The following TMEM236 variants were observed in gnomAD, a reference collection of about 807,000 sequenced individuals.
TMEM236 encodes the protein family with sequence similarity 23, member A.
A neutral mutation model predicts 14.7 loss-of-function variants in TMEM236; 11 were observed. The observed-to-expected ratio is 0.75, with a 90% CI of 0.47 to 1.24. The LOEUF is 1.24. Ranked by LOEUF, TMEM236 falls within the 50% of genes most tolerant of loss-of-function variation. The pLI is 0.00. For missense variants in TMEM236, 464 were observed against 427.3 expected, an observed-to-expected ratio of 1.09 and a Z score of -0.76; for synonymous variants, 182 against 168.6, an observed-to-expected ratio of 1.08 and a Z score of -0.62.
chr10:17,786,684 T>G (rs1478960224), intron 3 of TMEM236, among the ~76,000 whole-genome samples: 1 of 152,208 alleles, frequency 6.6e-6, no homozygotes, highest in Non-Finnish European at 1.5e-5. Flanking sequence ...ACTGGAGGGT[T>G]CTCAGGGCTT....
At chr10:17,794,507 C>T (rs1837977095) in intron 3 of TMEM236, among the ~76,000 whole-genome samples, 1 of 82,842 alleles carries the variant, frequency 1.2e-5, no homozygotes, top group African/African-American at 6.7e-5. Flanking sequence ...CCAACCTCAA[C>T]ACCCATGTAT....
At chr10:17,772,699 A>G (rs1227774368) in intron 2 of TMEM236, among the ~76,000 whole-genome samples, 1 of 152,236 alleles carries the variant, frequency 6.6e-6, no homozygotes, top group Non-Finnish European at 1.5e-5. Context: ...CCCCTGGGTA[A>G]GCATCGCTCA....
chr10:17,767,383 C>A (rs1837484926), intron 1 of TMEM236, among the ~76,000 whole-genome samples: 1 of 152,134 alleles, frequency 6.6e-6, no homozygotes, highest in Non-Finnish European at 1.5e-5. Context: ...ATCACTTGAA[C>A]CTGGGAGGCA....
intron 3 of TMEM236, among the ~76,000 whole-genome samples, chr10:17,784,680 A>T (rs904075962): frequency 3.2e-4 from 49 of 152,316 alleles, no homozygotes; most frequent in African/African-American, 1.1e-3. Context: ...GTGATTCACA[A>T]TTGGGAAAAT....
chr10:17,771,306 T>C lies in TMEM236; in HGVS notation c.258-3T>C. 1.2e-6 allele frequency: 2 copies of C among 1,613,690 alleles called. No homozygotes were observed. The highest frequency in any genetic ancestry group is 1.7e-6 in the Non-Finnish European group (2 of 1,179,592). Reference sequence around the variant, plus strand: ...CTTTGGCTTATTTTTTCTCCTTTGCTAGGAGACCTGTTCTGATGATGTGTG... The same window carrying C: ...CTTTGGCTTATTTTTTCTCCTTTGCCAGGAGACCTGTTCTGATGATGTGTG... On this transcript the variant is annotated splice_polypyrimidine_tract_variant and splice_region_variant and intron_variant, in intron 1 of 3. Coordinates refer to ENST00000377495, the MANE Select transcript of TMEM236 (RefSeq NM_001098844.3).
At position 17,796,513 on chromosome 10, in the gene TMEM236, T is replaced by A; in HGVS notation, c.*9T>A. ...AAATGTCTCCATTTTAAAAAGGAAATGGGATCTAGTAAGGCCTCTTTGTGA... is the reference window on the plus strand; with the variant it reads ...AAATGTCTCCATTTTAAAAAGGAAAAGGGATCTAGTAAGGCCTCTTTGTGA... On this transcript the variant is annotated 3_prime_UTR_variant, in exon 4 of 4. Coordinates refer to ENST00000377495, the MANE Select transcript of TMEM236 (RefSeq NM_001098844.3). The A allele has an allele frequency of 6.3e-7, 1 of 1,599,154 alleles. No individual in the cohort carries two copies. The highest frequency in any genetic ancestry group is 8.6e-7 in the Non-Finnish European group (1 of 1,166,524).
At chr10:17,765,146 C>A (rs1837442135) in intron 1 of TMEM236, among the ~76,000 whole-genome samples, 1 of 152,002 alleles carries the variant, frequency 6.6e-6, no homozygotes, top group South Asian at 2.1e-4. Context: ...TAAAAGGACA[C>A]CAGTCATATT....
chr10:17,785,276 T>G (rs1300703150), intron 3 of TMEM236, among the ~76,000 whole-genome samples: 1 of 152,196 alleles, frequency 6.6e-6, no homozygotes, highest in African/African-American at 2.4e-5. Context: ...TACATATGCA[T>G]GAGCTCTACC....
chr10:17,766,902 C>A (rs1837475797), intron 1 of TMEM236, among the ~76,000 whole-genome samples: 1 of 152,206 alleles, frequency 6.6e-6, no homozygotes, highest in Non-Finnish European at 1.5e-5. Flanking sequence ...AAATGCATCA[C>A]TGTGATTTCT....
At chr10:17,768,094 T>TTGTTTG (rs1554834483) in intron 1 of TMEM236, among the ~76,000 whole-genome samples, 11 of 134,434 alleles carry the variant, frequency 8.2e-5, no homozygotes, top group South Asian at 2.4e-4. Context: ...TGGTTTTTTT[T>TTGTTTG]TTTTTTTTTT....
chr10:17,754,148 G>A (rs1031594013), intron 1 of TMEM236, among the ~76,000 whole-genome samples: 1 of 152,174 alleles, frequency 6.6e-6, no homozygotes, highest in East Asian at 1.9e-4. Flanking sequence ...TAAACTTATC[G>A]GAGTGAGCTT....
intron 3 of TMEM236, among the ~76,000 whole-genome samples, chr10:17,794,862 CCCGTCTCTACTAAA>C (rs1837985139): frequency 6.6e-6 from 1 of 151,960 alleles, no homozygotes. Context: ...ACATGGAAAC[CCCGTCTCTACTAAA>C]AGTTAGCCAG....
At chr10:17,777,115 G>A (rs1054466349) in intron 3 of TMEM236, among the ~76,000 whole-genome samples, 14 of 152,130 alleles carry the variant, frequency 9.2e-5, no homozygotes, top group African/African-American at 3.1e-4. Flanking sequence ...ACTGGGGCTC[G>A]TCAGTCATTT....
At chr10:17,778,966 G>A (rs1433171598) in intron 3 of TMEM236, among the ~76,000 whole-genome samples, 3 of 152,146 alleles carry the variant, frequency 2.0e-5, no homozygotes, top group Non-Finnish European at 2.9e-5. Flanking sequence ...TAAGTGCATC[G>A]TTTCATGGAG....
chr10:17,797,011 T>G lies in TMEM236; in HGVS notation c.*507T>G, dbSNP rs1168389198. ...TACCTGATGATCTGAGGTGGGACAG[T>G]TTCATCCCAGAACCCAACCCCACCC... On this transcript the variant is annotated 3_prime_UTR_variant, in exon 4 of 4. Transcript: ENST00000377495. 1 of 163,582 alleles carries G rather than the reference T, an allele frequency of 6.1e-6. No homozygotes were observed. The highest frequency in any genetic ancestry group is 1.4e-5 in the Non-Finnish European group (1 of 73,948). The allele number at this position is 163,582 out of a possible 1,614,324, so 10.1% of individuals were successfully genotyped here. A position where few individuals can be genotyped will look rare whatever the true frequency, so the allele number is the denominator to read the frequency against.
At chr10:17,765,182 G>A (rs879700697) in intron 1 of TMEM236, among the ~76,000 whole-genome samples, 81,037 of 151,534 alleles carry the variant, frequency 0.53, 21,712 homozygotes, top group Middle Eastern at 0.61. Flanking sequence ...CTTACACCCT[G>A]TTTTCACTTG....
At chr10:17,754,859 T>G (rs1403828908) in intron 1 of TMEM236, among the ~76,000 whole-genome samples, 1 of 152,166 alleles carries the variant, frequency 6.6e-6, no homozygotes, top group Non-Finnish European at 1.5e-5. Flanking sequence ...TGATTCTTAC[T>G]CATCTTGGAC....
intron 3 of TMEM236, 149 bp downstream of exon 3, chr10:17,776,319 T>C: frequency 1.2e-6 from 1 of 813,372 alleles, no homozygotes; most frequent in Non-Finnish European, 2.0e-6. Flanking sequence ...TATCTAAACA[T>C]AATTATTTTT....
chr10:17,762,341 T>C (rs1837378849), intron 1 of TMEM236, among the ~76,000 whole-genome samples: 1 of 151,916 alleles, frequency 6.6e-6, no homozygotes, highest in African/African-American at 2.4e-5. Flanking sequence ...CTGGCTGGAT[T>C]TTTAATGCCT....
Sources: gnomAD v4.1 joint callset for allele counts (sites outside exome capture counted in the v4.1 genomes callset) on GRCh38, gnomAD v4.1.1 for gene constraint, MANE v1.5 for transcripts, NCBI Gene and HGNC (gene_info 2026-07-23, HGNC 2026-07-21) for gene names.